NHSL1: variants seen among roughly 807,000 people sequenced by gnomAD.
NHSL1 encodes NHS like 1.
NHSL1 carries 48 observed loss-of-function variants against 95.0 expected under a neutral mutation model. That is an observed-to-expected ratio of 0.51 (90% CI 0.40 to 0.64). The LOEUF (loss-of-function observed/expected upper bound fraction) is 0.64. Among genes scored for constraint, NHSL1 ranks in the 30% least tolerant of loss-of-function variants. The pLI is 0.00. For synonymous variants in NHSL1, 783 were observed against 833.9 expected, an observed-to-expected ratio of 0.94 and a Z score of 1.05; for missense variants, 1,971 against 2,077.7, an observed-to-expected ratio of 0.95 and a Z score of 1.00.
upstream of NHSL1, among the ~76,000 whole-genome samples, chr6:138,574,568 T>G (rs1052962146): frequency 7.3e-5 from 11 of 151,720 alleles, no homozygotes; most frequent in Non-Finnish European, 1.5e-4. Context: ...GGCTTACGTC[T>G]GTAATCCCAG....
At chr6:138,663,752 T>C (rs1006714123) in intron 1 of NHSL1, among the ~76,000 whole-genome samples, 1 of 151,900 alleles carries the variant, frequency 6.6e-6, no homozygotes, top group Non-Finnish European at 1.5e-5. Flanking sequence ...ATGCTTGTAG[T>C]CCCAGCTACT....
At chr6:138,577,613 T>TGG (rs1783991221) in intron 1 of NHSL1, among the ~76,000 whole-genome samples, 1 of 152,282 alleles carries the variant, frequency 6.6e-6, no homozygotes, top group East Asian at 1.9e-4. Context: ...TGGCCCTGCC[T>TGG]GGGCTGGGAG....
At chr6:138,554,290 G>A (rs1018373962) in intron 1 of NHSL1, among the ~76,000 whole-genome samples, 5 of 152,186 alleles carry the variant, frequency 3.3e-5, no homozygotes, top group African/African-American at 1.2e-4. Flanking sequence ...GACTTGCAAT[G>A]TATACAGATC....
rs60904108 is a variant in NHSL1 at position 138,556,499 on chromosome 6, C to T, written c.202+15211G>A. On this transcript the variant is annotated intron_variant, in intron 1 of 6. Transcript: ENST00000427025. ...CTGTAATCTCTATTTTCAATTAATT[C>T]AGGTTGCATTTAAACATTTTTGTAG... is the stretch of plus-strand genomic sequence containing the variant. Among the ~76,000 whole-genome samples the T allele has an allele frequency of 7.1e-3, 1,081 of 151,460 alleles. 24 individuals carry two copies. The highest frequency in any genetic ancestry group is 0.025 in the African/African-American group (1,019 of 41,194).
At chr6:138,437,940 A>G (rs529172715) in intron 5 of NHSL1, among the ~76,000 whole-genome samples, 2 of 152,326 alleles carry the variant, frequency 1.3e-5, no homozygotes, top group Admixed American at 6.5e-5. Flanking sequence ...ATGAGCAATG[A>G]AAATGCTTTC....
chr6:138,616,043 G>A (rs1784574477), intron 1 of NHSL1, among the ~76,000 whole-genome samples: 1 of 152,114 alleles, frequency 6.6e-6, no homozygotes, highest in South Asian at 2.1e-4. Context: ...AAACAGAAAA[G>A]AAAACAATTA....
At chr6:138,429,215 T>C (rs1447683121) in intron 7 of NHSL1, among the ~76,000 whole-genome samples, 1 of 152,242 alleles carries the variant, frequency 6.6e-6, no homozygotes, top group Non-Finnish European at 1.5e-5. Context: ...GGCCGTACTC[T>C]TTTATAGAAA....
intron 1 of NHSL1, among the ~76,000 whole-genome samples, chr6:138,620,853 G>A (rs1415556874): frequency 6.6e-6 from 1 of 152,188 alleles, no homozygotes; most frequent in East Asian, 1.9e-4. Context: ...CACATCCTCT[G>A]AGCCAGTCTT....
chr6:138,675,753 C>T (rs1220239260), intron 1 of NHSL1, among the ~76,000 whole-genome samples: 3 of 152,094 alleles, frequency 2.0e-5, no homozygotes, highest in Admixed American at 1.3e-4. Flanking sequence ...AGGCTGGTCT[C>T]GAACTCCTGA....
intron 2 of NHSL1, among the ~76,000 whole-genome samples, chr6:138,475,535 T>C (rs1779017010): frequency 6.6e-6 from 1 of 152,166 alleles, no homozygotes; most frequent in African/African-American, 2.4e-5. Context: ...GTCTGATTAG[T>C]AGTTTTCAAA....
intron 1 of NHSL1, among the ~76,000 whole-genome samples, chr6:138,612,187 C>T (rs1287216277): frequency 6.6e-6 from 1 of 151,148 alleles, no homozygotes; most frequent in East Asian, 1.9e-4. Flanking sequence ...AGTATTGCCA[C>T]TTTAGAAGGA....
intron 1 of NHSL1, among the ~76,000 whole-genome samples, chr6:138,649,294 G>A (rs556075059): frequency 6.6e-5 from 10 of 152,030 alleles, no homozygotes; most frequent in Non-Finnish European, 1.0e-4. Flanking sequence ...CTCTCATTCC[G>A]TATACCCTTT....
intron 1 of NHSL1, among the ~76,000 whole-genome samples, chr6:138,560,284 G>A (rs1783362711): frequency 6.6e-6 from 1 of 152,188 alleles, no homozygotes; most frequent in Admixed American, 6.5e-5. Flanking sequence ...ATGTAACCAA[G>A]GTCTGCTGAT....
At chr6:138,549,941 A>G (rs1466719736), upstream of NHSL1, among the ~76,000 whole-genome samples, 2 of 151,976 alleles carry the variant, frequency 1.3e-5, no homozygotes, top group African/African-American at 4.8e-5. Context: ...TATCATATTA[A>G]AAAAAAATCC....
intron 1 of NHSL1, among the ~76,000 whole-genome samples, chr6:138,593,349 C>T (rs1000847177): frequency 2.0e-5 from 3 of 152,200 alleles, no homozygotes; most frequent in Non-Finnish European, 4.4e-5. Flanking sequence ...TCATAGTCTT[C>T]AAGTACATCA....
rs1388823216 is a variant in NHSL1, at chr6:138,431,272, G to T, written c.3073C>A (p.Pro1025Thr). The T allele has an allele frequency of 6.7e-7, 1 of 1,503,584 alleles. No homozygotes were observed. The highest frequency in any genetic ancestry group is 1.3e-5 in the South Asian group (1 of 75,334). 93.1% of individuals were successfully genotyped at this position (1,503,584 alleles called of 1,614,324 possible). The stretch of plus-strand genomic sequence containing the variant: ...TCTTTCATGAATTTGGGGTCAAGAG[G>T]TGGGGCAGGTGGGGGTTCCGAGGAA... ...LPSSEPPPAPPLDPKFMKDTR... is the reference protein window; with the variant it reads ...LPSSEPPPAPTLDPKFMKDTR... The change falls in exon 6 of 8, where the codon CCT becomes ACT. Residue 1025 changes from proline (P) to threonine (T), a missense_variant. This residue lies in a region of NHSL1 where 1,602 missense variants were observed against 1,654.5 expected (regional missense o/e 0.97). Transcript: ENST00000343505. This position sits in a 1 kb window ranked among gnomAD's most constrained non-coding sequence, Gnocchi z 4.0.
At chr6:138,539,552 T>A (rs1782496977) in intron 1 of NHSL1, among the ~76,000 whole-genome samples, 1 of 152,002 alleles carries the variant, frequency 6.6e-6, no homozygotes, top group Non-Finnish European at 1.5e-5. Context: ...CAATGAGCCA[T>A]CACAGAGGAG....
At chr6:138,592,581 G>A (rs1297126043) in intron 1 of NHSL1, among the ~76,000 whole-genome samples, 3 of 151,668 alleles carry the variant, frequency 2.0e-5, no homozygotes, top group African/African-American at 7.3e-5. Flanking sequence ...CAGCTTGGGC[G>A]ACAGAGCGAG....
At chr6:138,534,740 C>T (rs1335485492) in intron 1 of NHSL1, among the ~76,000 whole-genome samples, 1 of 152,144 alleles carries the variant, frequency 6.6e-6, no homozygotes, top group Non-Finnish European at 1.5e-5. Flanking sequence ...ATTTAGTACA[C>T]AGATTGCCAC....
Sources: allele counts gnomAD v4.1 joint callset (sites outside exome capture counted in the v4.1 genomes callset), GRCh38; gene constraint gnomAD v4.1.1; regional missense constraint gnomAD v4.1.1; non-coding constraint Gnocchi (gnomAD v3.1); transcripts MANE v1.5; gene names NCBI Gene and HGNC (gene_info 2026-07-23, HGNC 2026-07-21).